DOCK4: variants seen among roughly 807,000 people sequenced by gnomAD.
The protein encoded by DOCK4 is dedicator of cytokinesis protein 4.
A neutral mutation model predicts 268.1 loss-of-function variants in DOCK4; 97 were observed. The observed-to-expected ratio is 0.36, with a 90% CI of 0.31 to 0.43. DOCK4 has a LOEUF of 0.43. Among genes scored for constraint, DOCK4 ranks in the 20% least tolerant of loss-of-function variants. The pLI, the probability that DOCK4 is intolerant of heterozygous loss-of-function variation, is 1.00. For missense variants in DOCK4, 2,145 were observed against 2,455.7 expected, an observed-to-expected ratio of 0.87 and a Z score of 2.67; for synonymous variants, 954 against 887.2, an observed-to-expected ratio of 1.08 and a Z score of -1.34.
At chr7:112,084,309 C>T (rs1435176072) in intron 1 of DOCK4, among the ~76,000 whole-genome samples, 5 of 152,142 alleles carry the variant, frequency 3.3e-5, no homozygotes, top group Non-Finnish European at 7.4e-5. Flanking sequence ...AAATTGCTTC[C>T]GCTTAAAACC....
chr7:111,868,423 C>T (rs934868897), intron 21 of DOCK4, among the ~76,000 whole-genome samples: 1 of 151,968 alleles, frequency 6.6e-6, no homozygotes, highest in African/African-American at 2.4e-5. Flanking sequence ...AATTTAAAAA[C>T]ACTTTAGCCG....
Position 111,935,248 on chromosome 7 carries a change from G to C in DOCK4, c.1066+292C>G, listed in dbSNP as rs1362117267. ...CAGGCGTGAGCCACCGTGCCTGGCT[G>C]ATTTTTAGTTTTCAATAACAACTTA... On this transcript the variant is annotated intron_variant, in intron 12 of 52. Transcript: ENST00000428084. 2.0e-5 allele frequency: 8 copies of C among 397,152 alleles called. No individual in the cohort carries two copies. The East Asian group carries it at 4.9e-4, about 24-fold the overall frequency. 24.6% of individuals were successfully genotyped at this position (397,152 alleles called of 1,614,324 possible). A position where few individuals can be genotyped will look rare whatever the true frequency, so the allele number is the denominator to read the frequency against.
At chr7:111,974,978 A>G (rs1798054365) in intron 8 of DOCK4, among the ~76,000 whole-genome samples, 1 of 152,212 alleles carries the variant, frequency 6.6e-6, no homozygotes, top group African/African-American at 2.4e-5. Flanking sequence ...CTTTAGCTTA[A>G]CAGGCGACCA....
intron 16 of DOCK4, among the ~76,000 whole-genome samples, chr7:111,883,211 G>A (rs969337057): frequency 6.6e-6 from 1 of 152,150 alleles, no homozygotes; most frequent in Non-Finnish European, 1.5e-5. Context: ...GTAATGTTCT[G>A]GAACCCTAGA....
chr7:111,732,304 A>G lies in DOCK4; in HGVS notation c.5420-17T>C, dbSNP rs1284279181. On this transcript the variant is annotated splice_polypyrimidine_tract_variant and intron_variant, in intron 51 of 52. Transcript: ENST00000428084. ...CTGGTGAAGCTGTCAATGGGGAGAG[A>G]GATAACATTTCAATTAAGAAAAACC... 6.2e-7 allele frequency: 1 copy of G among 1,613,652 alleles called. No homozygotes were observed. The highest frequency in any genetic ancestry group is 1.1e-5 in the South Asian group (1 of 91,032).
intron 16 of DOCK4, among the ~76,000 whole-genome samples, chr7:111,887,911 T>C (rs1274249414): frequency 3.3e-5 from 5 of 151,826 alleles, no homozygotes; most frequent in Non-Finnish European, 1.5e-5. Context: ...GTGGAAGAAC[T>C]AGTCTTGAAG....
intron 1 of DOCK4, among the ~76,000 whole-genome samples, chr7:112,039,269 C>A (rs1365219769): frequency 6.6e-6 from 1 of 151,590 alleles, no homozygotes; most frequent in Non-Finnish European, 1.5e-5. Flanking sequence ...TTACTGATTA[C>A]CTACAGTGGA....
At chr7:112,027,846 C>T (rs1046622797) in intron 1 of DOCK4, among the ~76,000 whole-genome samples, 6 of 152,094 alleles carry the variant, frequency 3.9e-5, no homozygotes, top group African/African-American at 1.4e-4. Flanking sequence ...ATTTGAGTAC[C>T]AAGAAAAGAA....
chr7:111,727,759 C>T lies in DOCK4; in HGVS notation c.*515G>A, dbSNP rs1393516417. 2 of 152,334 alleles carry T rather than the reference C, an allele frequency of 1.3e-5. No homozygotes were observed. Among genetic ancestry groups the T allele is most frequent in the Non-Finnish European group, 2.9e-5 (2 of 68,160 alleles). 9.4% of individuals were successfully genotyped at this position (152,334 alleles called of 1,614,324 possible). The stretch of plus-strand genomic sequence containing the variant: ...CAATTTCCAGTCCCAAGCTTTGCAA[C>T]CCCTTAAGTATACTGTCTTGCTCGC... On this transcript the variant is annotated 3_prime_UTR_variant, in exon 53 of 53. Coordinates refer to ENST00000428084, the MANE Select transcript of DOCK4 (RefSeq NM_001363540.2).
At chr7:112,181,049 A>G (rs544535727) in intron 1 of DOCK4, among the ~76,000 whole-genome samples, 1 of 152,336 alleles carries the variant, frequency 6.6e-6, no homozygotes, top group East Asian at 1.9e-4. Context: ...GCTAAAAATA[A>G]CTTCAAATGT....
chr7:111,920,431 A>G (rs1056656705), intron 12 of DOCK4, among the ~76,000 whole-genome samples: 1 of 152,198 alleles, frequency 6.6e-6, no homozygotes, highest in Non-Finnish European at 1.5e-5. Flanking sequence ...ATACCTTATT[A>G]AAGCTGGGGC....
intron 1 of DOCK4, among the ~76,000 whole-genome samples, chr7:112,030,526 T>A (rs1002012556): frequency 6.6e-6 from 1 of 152,154 alleles, no homozygotes; most frequent in Non-Finnish European, 1.5e-5. Context: ...TTTCTAATAA[T>A]TATATTTATT....
At chr7:111,781,108 G>A (rs554608889) in intron 35 of DOCK4, among the ~76,000 whole-genome samples, 1 of 152,242 alleles carries the variant, frequency 6.6e-6, no homozygotes, top group South Asian at 2.1e-4. Context: ...ACCAATTGTG[G>A]AAATGAACAT....
intron 1 of DOCK4, among the ~76,000 whole-genome samples, chr7:112,137,959 T>C (rs1814518590): frequency 6.6e-6 from 1 of 152,200 alleles, no homozygotes; most frequent in African/African-American, 2.4e-5. Flanking sequence ...CAGTCAACAT[T>C]CAGTAAATGT....
At chr7:112,072,985 G>C (rs1037309273) in intron 1 of DOCK4, among the ~76,000 whole-genome samples, 19 of 152,278 alleles carry the variant, frequency 1.2e-4, no homozygotes, top group African/African-American at 4.1e-4. Flanking sequence ...CACCCCAAGG[G>C]AAGAATCAGG....
intron 1 of DOCK4, among the ~76,000 whole-genome samples, chr7:112,200,927 G>A (rs888025656): frequency 2.0e-5 from 3 of 151,972 alleles, no homozygotes; most frequent in African/African-American, 7.3e-5. Flanking sequence ...GTATTTTACT[G>A]GGAGGTATAA....
Position 112,090,589 on chromosome 7 carries a change from T to G in DOCK4, c.38-86458A>C, listed in dbSNP as rs117144075. On this transcript the variant is annotated intron_variant, in intron 1 of 52. Coordinates refer to ENST00000428084, the MANE Select transcript of DOCK4 (RefSeq NM_001363540.2). The stretch of plus-strand genomic sequence containing the variant: ...TTTAAAGTTGAAAACTACATTGCAG[T>G]AAGGGCAAATTGGTTAGGTTTTGAA... Among the ~76,000 whole-genome samples the G allele has an allele frequency of 7.8e-3, 1,192 of 152,290 alleles. 9 individuals are homozygous for G. Among genetic ancestry groups the G allele is most frequent in the Middle Eastern group, 0.044 (13 of 294 alleles).
At chr7:111,998,239 C>G (rs1053265159) in intron 4 of DOCK4, among the ~76,000 whole-genome samples, 5 of 152,164 alleles carry the variant, frequency 3.3e-5, no homozygotes, top group Non-Finnish European at 1.5e-5. Flanking sequence ...CCTCCAGTCT[C>G]TCAGATCCTC....
chr7:111,834,527 G>T, intron 26 of DOCK4, 61 bp downstream of exon 26: 1 of 1,243,692 alleles, frequency 8.0e-7, no homozygotes, highest in South Asian at 1.4e-5. Flanking sequence ...CAACAGTGAT[G>T]AATAAAAACA....
Sources: allele counts gnomAD v4.1 joint callset (sites outside exome capture counted in the v4.1 genomes callset), GRCh38; gene constraint gnomAD v4.1.1; transcripts MANE v1.5; gene names NCBI Gene and HGNC (gene_info 2026-07-23, HGNC 2026-07-21).